The following SYN2 variants were observed in gnomAD, a reference collection of about 807,000 sequenced individuals.
SYN2 encodes synapsin-2.
In SYN2, 19 loss-of-function variants were observed where a neutral mutation model predicts 50.9. The observed-to-expected ratio is 0.37, with a 90% CI of 0.26 to 0.55. SYN2 has a LOEUF of 0.55. SYN2 is among the 20% of genes least tolerant of loss of function. The probability of loss-of-function intolerance (pLI) is 0.81; values close to 1 mark genes in which losing one functional copy is unlikely to be tolerated. For missense variants in SYN2, 587 were observed against 576.4 expected, an observed-to-expected ratio of 1.02 and a Z score of -0.19; for synonymous variants, 255 against 224.9, an observed-to-expected ratio of 1.13 and a Z score of -1.20.
intron 1 of SYN2, among the ~76,000 whole-genome samples, chr3:12,139,502 A>G (rs1696968900): frequency 6.6e-6 from 1 of 152,174 alleles, no homozygotes; most frequent in Non-Finnish European, 1.5e-5. Flanking sequence ...TCTGCCACTA[A>G]CTTGCTATAG....
At chr3:12,017,912 T>C (rs748886101) in intron 1 of SYN2, among the ~76,000 whole-genome samples, 2 of 152,242 alleles carry the variant, frequency 1.3e-5, no homozygotes, top group African/African-American at 2.4e-5. Context: ...AGCACTGTTT[T>C]GAAACAGTCT....
chr3:12,135,862 G>T (rs997317554), intron 1 of SYN2, among the ~76,000 whole-genome samples: 10 of 152,216 alleles, frequency 6.6e-5, no homozygotes, highest in African/African-American at 2.2e-4. Flanking sequence ...GCTCTGTGAA[G>T]GATTTGGAAA....
At chr3:12,095,270 A>G (rs1695904901) in intron 1 of SYN2, among the ~76,000 whole-genome samples, 1 of 151,172 alleles carries the variant, frequency 6.6e-6, no homozygotes, top group African/African-American at 2.4e-5. Flanking sequence ...TCAGGCTGGG[A>G]GCAGTGACTA....
chr3:12,090,741 A>T (rs1021257248), intron 1 of SYN2, among the ~76,000 whole-genome samples: 5 of 152,120 alleles, frequency 3.3e-5, no homozygotes, highest in African/African-American at 1.2e-4. Context: ...GGCCTAATTG[A>T]TGTCGTGATG....
chr3:12,053,484 C>A (rs1023673524), intron 1 of SYN2, among the ~76,000 whole-genome samples: 1 of 151,752 alleles, frequency 6.6e-6, no homozygotes, highest in Non-Finnish European at 1.5e-5. Context: ...CTGATTGATC[C>A]TTCTTTCTCA....
intron 1 of SYN2, among the ~76,000 whole-genome samples, chr3:12,112,987 A>G (rs575371592): frequency 6.6e-6 from 1 of 152,232 alleles, no homozygotes; most frequent in Non-Finnish European, 1.5e-5. Flanking sequence ...CCTTACATGA[A>G]TGAAGGAACT....
chr3:12,040,028 A>G (rs897307035), intron 1 of SYN2, among the ~76,000 whole-genome samples: 7 of 152,164 alleles, frequency 4.6e-5, no homozygotes, highest in African/African-American at 1.4e-4. Context: ...TTACTTAGCA[A>G]TTATAAAGTA....
At chr3:12,035,126 G>A (rs1694469008) in intron 1 of SYN2, among the ~76,000 whole-genome samples, 1 of 152,218 alleles carries the variant, frequency 6.6e-6, no homozygotes, top group African/African-American at 2.4e-5. Flanking sequence ...CAGGTCCCAA[G>A]TAAGTCCAAA....
chr3:12,182,705 G>A (rs191770914), intron 10 of SYN2, among the ~76,000 whole-genome samples: 208 of 152,368 alleles, frequency 1.4e-3, no homozygotes, highest in African/African-American at 4.8e-3. Context: ...CGAGTCCAAA[G>A]AGTGGATCTG....
intron 10 of SYN2, among the ~76,000 whole-genome samples, chr3:12,176,123 C>A (rs944803075): frequency 6.6e-6 from 1 of 152,094 alleles, no homozygotes; most frequent in Non-Finnish European, 1.5e-5. Context: ...TCCCACCACC[C>A]CTCCTACACA....
At chr3:12,019,507 C>T (rs1277333088) in intron 1 of SYN2, among the ~76,000 whole-genome samples, 1 of 152,162 alleles carries the variant, frequency 6.6e-6, no homozygotes, top group Non-Finnish European at 1.5e-5. Context: ...TTGCCACCCA[C>T]CTACATGAAA....
intron 10 of SYN2, among the ~76,000 whole-genome samples, chr3:12,175,476 C>T (rs1166183783): frequency 2.6e-5 from 4 of 152,348 alleles, no homozygotes; most frequent in East Asian, 1.9e-4. Flanking sequence ...TCTTGCTGGC[C>T]TCTTTCTTCT....
chr3:12,180,045 C>G (rs1399762750), intron 10 of SYN2, among the ~76,000 whole-genome samples: 3 of 152,164 alleles, frequency 2.0e-5, no homozygotes, highest in Admixed American at 6.5e-5. Flanking sequence ...ACCTCCCAGG[C>G]TCAAGCTATC....
At chr3:12,110,437 A>G (rs1359393929) in intron 1 of SYN2, among the ~76,000 whole-genome samples, 1 of 152,130 alleles carries the variant, frequency 6.6e-6, no homozygotes, top group African/African-American at 2.4e-5. Context: ...ATGGGGTCGG[A>G]GGACAGTGGC....
At chr3:12,060,443 A>G (rs1034344802) in intron 1 of SYN2, among the ~76,000 whole-genome samples, 12 of 152,160 alleles carry the variant, frequency 7.9e-5, no homozygotes, top group Admixed American at 2.6e-4. Context: ...TAGTTTTACT[A>G]TCTCACCTAA....
intron 1 of SYN2, among the ~76,000 whole-genome samples, chr3:12,039,476 G>C (rs914029178): frequency 3.3e-5 from 5 of 151,468 alleles, no homozygotes; most frequent in African/African-American, 4.9e-5. Context: ...GCTAGGTAGA[G>C]GTCACTTCAG....
At chr3:12,068,370 AT>A (rs1273579742) in intron 1 of SYN2, among the ~76,000 whole-genome samples, 1 of 152,086 alleles carries the variant, frequency 6.6e-6, no homozygotes, top group Non-Finnish European at 1.5e-5. Flanking sequence ...TTGATTCCTA[AT>A]CTTTTGGATG....
At position 12,190,424 on chromosome 3, in the gene SYN2, C is replaced by T. The variant is rs1046171763; in HGVS notation, c.1614-66C>T. ...GGGTTCTAGCTGTGTATCCTCACGT[C>T]ACCGTCCTTCCCTGCCTTGCTGGGA... On this transcript the variant is annotated intron_variant, in intron 12 of 12. Transcript: ENST00000621198. The T allele has an allele frequency of 2.1e-5, 33 of 1,581,062 alleles. 1 individual carries two copies. The African/African-American group carries it at 4.0e-4, about 19-fold the overall frequency.
At chr3:12,011,926 A>G (rs1693917868) in intron 1 of SYN2, among the ~76,000 whole-genome samples, 1 of 152,268 alleles carries the variant, frequency 6.6e-6, no homozygotes, top group South Asian at 2.1e-4. Flanking sequence ...TAAAAGCTAA[A>G]GAGCCATACT....
Sources: allele counts gnomAD v4.1 joint callset (sites outside exome capture counted in the v4.1 genomes callset), GRCh38; gene constraint gnomAD v4.1.1; transcripts MANE v1.5; gene names NCBI Gene and HGNC (gene_info 2026-07-23, HGNC 2026-07-21).